Variants in RTL4 observed in about 807,000 individuals in gnomAD.
RTL4 encodes the protein retrotransposon Gag like 4.
Under a neutral mutation model 5.3 loss-of-function variants are expected in RTL4, and 4 were observed. The observed-to-expected ratio is 0.75, with a 90% confidence interval of 0.37 to 1.72. RTL4 has a LOEUF of 1.72. Ranked by LOEUF, RTL4 falls within the 40% of genes most tolerant of loss-of-function variation. The probability of loss-of-function intolerance (pLI) is 0.04; values close to 1 mark genes in which losing one functional copy is unlikely to be tolerated. For synonymous variants in RTL4, 98 were observed against 87.3 expected (o/e 1.12, Z -0.68); for missense variants, 260 against 227.1 (o/e 1.14, Z -0.93).
chrX:112,380,557 C>A, the RTL4 span, among the ~76,000 whole-genome samples: 2 of 112,179 alleles, frequency 1.8e-5, no homozygotes, highest in African/African-American at 6.5e-5. Flanking sequence ...TGGATTGTTT[C>A]CAGTTTTGTG....
the RTL4 span, among the ~76,000 whole-genome samples, chrX:112,255,953 A>C: frequency 1.8e-5 from 2 of 111,776 alleles, no homozygotes; most frequent in Admixed American, 9.5e-5. Flanking sequence ...GATCTGGATA[A>C]GATTCTATTA....
At chrX:112,112,485 G>A in the RTL4 span, among the ~76,000 whole-genome samples, 3 of 112,118 alleles carry the variant, frequency 2.7e-5, no homozygotes, top group Admixed American at 9.4e-5. Flanking sequence ...GTGAGGATAA[G>A]CCAGTATAGG....
chrX:112,137,155 A>T, the RTL4 span, among the ~76,000 whole-genome samples: 2 of 111,936 alleles, frequency 1.8e-5, no homozygotes, highest in Admixed American at 1.9e-4. Context: ...TTTAAAAAAA[A>T]AGAAACCCAC....
the RTL4 span, among the ~76,000 whole-genome samples, chrX:112,353,244 A>T: frequency 9.0e-6 from 1 of 111,570 alleles, no homozygotes; most frequent in Non-Finnish European, 1.9e-5. Context: ...GGGATTGTAA[A>T]CTCGTTCAAC....
the RTL4 span, among the ~76,000 whole-genome samples, chrX:112,083,948 C>A: frequency 1.8e-5 from 2 of 110,919 alleles, no homozygotes; most frequent in African/African-American, 6.6e-5. Flanking sequence ...CCCTTCCTAG[C>A]GCTCTCAGGA....
At chrX:112,091,343 A>G in the RTL4 span, among the ~76,000 whole-genome samples, 1 of 111,587 alleles carries the variant, frequency 9.0e-6, no homozygotes, top group Non-Finnish European at 1.9e-5. Flanking sequence ...TTAGGTTATT[A>G]ATTTAGGTGT....
chrX:112,150,366 G>A, the RTL4 span, among the ~76,000 whole-genome samples: 1 of 111,485 alleles, frequency 9.0e-6, no homozygotes, highest in Non-Finnish European at 1.9e-5. Flanking sequence ...GAAGTGGATC[G>A]ATCTCTTTTT....
the RTL4 span, among the ~76,000 whole-genome samples, chrX:112,201,618 A>G: frequency 9.1e-5 from 10 of 110,476 alleles, no homozygotes; most frequent in Non-Finnish European, 3.8e-5. Flanking sequence ...ACAGTTGAGA[A>G]CCAGATAATA....
the RTL4 span, among the ~76,000 whole-genome samples, chrX:112,272,368 T>G: frequency 8.9e-6 from 1 of 111,968 alleles, no homozygotes; most frequent in South Asian, 3.7e-4. Context: ...CATTATGAGT[T>G]AGGATTTGTC....
At chrX:112,356,220 T>A in the RTL4 span, among the ~76,000 whole-genome samples, 2 of 111,620 alleles carry the variant, frequency 1.8e-5, no homozygotes, top group East Asian at 5.7e-4. Context: ...TCCACAGATT[T>A]CAGGCTCCAA....
At chrX:112,228,642 G>A in the RTL4 span, among the ~76,000 whole-genome samples, 28,993 of 110,583 alleles carry the variant, frequency 0.26, 3,820 homozygotes, top group African/African-American at 0.52. Flanking sequence ...GAACTTATTC[G>A]TCTTATAACT....
At chrX:112,101,342 G>A in the RTL4 span, among the ~76,000 whole-genome samples, 5 of 111,825 alleles carry the variant, frequency 4.5e-5, no homozygotes, top group African/African-American at 1.6e-4. Context: ...AACAGTAATG[G>A]TGAATGAAGC....
the RTL4 span, among the ~76,000 whole-genome samples, chrX:112,211,794 C>T: frequency 3.6e-5 from 4 of 112,368 alleles, no homozygotes; most frequent in Non-Finnish European, 7.5e-5. Context: ...GTGCTAGACA[C>T]GTTGATAGAA....
chrX:112,360,897 C>A, the RTL4 span, among the ~76,000 whole-genome samples: 19 of 110,648 alleles, frequency 1.7e-4, no homozygotes, highest in Non-Finnish European at 3.0e-4. Flanking sequence ...TCCAAGGTCC[C>A]TGGAGTTATT....
the RTL4 span, among the ~76,000 whole-genome samples, chrX:112,171,900 A>C: frequency 8.9e-6 from 1 of 112,513 alleles, no homozygotes; most frequent in Non-Finnish European, 1.9e-5. Flanking sequence ...TGGCAAAATA[A>C]ACTATCATCA....
At chrX:112,125,328 CT>C in the RTL4 span, among the ~76,000 whole-genome samples, 2 of 111,584 alleles carry the variant, frequency 1.8e-5, no homozygotes, top group Admixed American at 1.9e-4. Context: ...TACTGTTCTG[CT>C]TCCGTTATCA....
the RTL4 span, among the ~76,000 whole-genome samples, chrX:112,308,080 C>A: frequency 9.0e-6 from 1 of 111,439 alleles, no homozygotes; most frequent in Non-Finnish European, 1.9e-5. Context: ...GTTAAGAGTG[C>A]TTGAGTTATG....
At chrX:112,096,717 C>A in the RTL4 span, among the ~76,000 whole-genome samples, 1 of 111,552 alleles carries the variant, frequency 9.0e-6, no homozygotes, top group African/African-American at 3.3e-5. Flanking sequence ...ACTATGAGAG[C>A]CCTGCACTAC....
At chrX:112,444,643 A>G in the RTL4 span, among the ~76,000 whole-genome samples, 272 of 111,693 alleles carry the variant, frequency 2.4e-3, no homozygotes, top group African/African-American at 8.3e-3. Flanking sequence ...CAGTAAAGTC[A>G]TTGAGTTCTA....
Sources: gnomAD v4.1 joint callset for allele counts (sites outside exome capture counted in the v4.1 genomes callset) on GRCh38, gnomAD v4.1.1 for gene constraint, MANE v1.5 for transcripts, NCBI Gene and HGNC (gene_info 2026-07-23, HGNC 2026-07-21) for gene names.